Variants in NMNAT2 observed in about 807,000 individuals in gnomAD.
NMNAT2 encodes the protein nicotinamide nucleotide adenylyltransferase 2, also known as nicotinamide/nicotinic acid mononucleotide adenylyltransferase 2.
In NMNAT2, 11 loss-of-function variants were observed where a neutral mutation model predicts 41.6. The observed-to-expected ratio is 0.26, with a 90% CI of 0.17 to 0.44. NMNAT2 has a LOEUF of 0.44. NMNAT2 is among the 20% of genes least tolerant of loss of function. The probability of loss-of-function intolerance (pLI) is 1.00; values close to 1 mark genes in which losing one functional copy is unlikely to be tolerated. For missense variants in NMNAT2, 288 were observed against 407.7 expected, an observed-to-expected ratio of 0.71 and a Z score of 2.53; for synonymous variants, 148 against 151.2, an observed-to-expected ratio of 0.98 and a Z score of 0.16.
At chr1:183,327,120 G>C (rs896818223) in intron 1 of NMNAT2, among the ~76,000 whole-genome samples, 1 of 152,000 alleles carries the variant, frequency 6.6e-6, no homozygotes, top group African/African-American at 2.4e-5. Flanking sequence ...GTGCAATCTC[G>C]GCTCACTGCA....
At chr1:183,375,546 C>T (rs1488476871) in intron 1 of NMNAT2, among the ~76,000 whole-genome samples, 1 of 152,208 alleles carries the variant, frequency 6.6e-6, no homozygotes, top group African/African-American at 2.4e-5. Context: ...AGTCTCAACT[C>T]ACTTTCTCTA....
At chr1:183,401,343 T>C (rs1051317254) in intron 1 of NMNAT2, among the ~76,000 whole-genome samples, 3 of 152,184 alleles carry the variant, frequency 2.0e-5, no homozygotes, top group African/African-American at 7.2e-5. Flanking sequence ...ATCAGAGAAA[T>C]GCAAATCAAA....
At chr1:183,304,925 C>T in intron 1 of NMNAT2, 1 of 1,366,620 alleles carries the variant, frequency 7.3e-7, no homozygotes, top group Non-Finnish European at 9.6e-7. Flanking sequence ...CCTTCCATAA[C>T]TGTCACTTCT....
intron 2 of NMNAT2, 37 bp downstream of exon 2, chr1:183,293,668 G>C (rs199792693): frequency 2.8e-6 from 4 of 1,445,688 alleles, no homozygotes; most frequent in East Asian, 4.5e-5. Flanking sequence ...TGGGGGGACG[G>C]GGATTGAAGA....
At chr1:183,270,368 A>G (rs78952466) in intron 8 of NMNAT2, among the ~76,000 whole-genome samples, 1 of 152,230 alleles carries the variant, frequency 6.6e-6, no homozygotes, top group Non-Finnish European at 1.5e-5. Context: ...GACAAAAGCC[A>G]TGCAGTATAT....
intron 1 of NMNAT2, among the ~76,000 whole-genome samples, chr1:183,341,748 C>CAAAAAA (rs369432128): frequency 0.017 from 1,326 of 79,780 alleles, 66 homozygotes; most frequent in African/African-American, 0.056. Context: ...AAAAAAAAAA[C>CAAAAAA]CTGTTTCCTT....
chr1:183,361,269 C>T lies in NMNAT2; in HGVS notation c.85+56914G>A, dbSNP rs1178852769. On this transcript the variant is annotated intron_variant, in intron 1 of 10. Transcript: ENST00000287713. ...ATCAGGGGACCCTTATCCTCCCCATCGCCATGTGGTCCACACTTGGCAAGC... is the reference window on the plus strand; with the variant it reads ...ATCAGGGGACCCTTATCCTCCCCATTGCCATGTGGTCCACACTTGGCAAGC... Among the ~76,000 whole-genome samples, 25 of 152,286 alleles carry T rather than the reference C, an allele frequency of 1.6e-4. No individual in the cohort carries two copies. In the East Asian group the frequency reaches 3.5e-3, roughly 21 times the overall value.
At chr1:183,363,284 T>G (rs1308702619) in intron 1 of NMNAT2, among the ~76,000 whole-genome samples, 1 of 152,218 alleles carries the variant, frequency 6.6e-6, no homozygotes, top group Admixed American at 6.5e-5. Context: ...TTTTAAAAAT[T>G]TCTCTGAACC....
At chr1:183,305,499 T>G (rs1027881545) in intron 1 of NMNAT2, among the ~76,000 whole-genome samples, 2 of 152,222 alleles carry the variant, frequency 1.3e-5, no homozygotes, top group African/African-American at 4.8e-5. Flanking sequence ...AAGTTTACCA[T>G]ACACGCTTCT....
intron 1 of NMNAT2, among the ~76,000 whole-genome samples, chr1:183,370,223 TACACACACACACACACACAC>T (rs57569629): frequency 5.3e-5 from 6 of 112,734 alleles, no homozygotes; most frequent in South Asian, 6.8e-4. Flanking sequence ...TATCAACACA[TACACACACACACACACACAC>T]ACACACACAC....
intron 1 of NMNAT2, among the ~76,000 whole-genome samples, chr1:183,367,624 A>G (rs1300374072): frequency 6.6e-6 from 1 of 152,234 alleles, no homozygotes; most frequent in Non-Finnish European, 1.5e-5. Context: ...TAACTTTTAC[A>G]TGAGTAGTCG....
intron 7 of NMNAT2, among the ~76,000 whole-genome samples, chr1:183,281,855 C>T (rs867136882): frequency 1.3e-5 from 2 of 152,244 alleles, no homozygotes; most frequent in Non-Finnish European, 2.9e-5. Flanking sequence ...AAAGGGGACA[C>T]GTGAGCCCCA....
chr1:183,360,501 G>A (rs747801123), intron 1 of NMNAT2, among the ~76,000 whole-genome samples: 16 of 152,124 alleles, frequency 1.1e-4, no homozygotes, highest in Non-Finnish European at 2.4e-4. Context: ...ACCCATCCAC[G>A]AGTCTCCGAG....
At chr1:183,398,533 A>G (rs1648719940) in intron 1 of NMNAT2, among the ~76,000 whole-genome samples, 1 of 152,190 alleles carries the variant, frequency 6.6e-6, no homozygotes, top group African/African-American at 2.4e-5. Context: ...ATATCCAGGA[A>G]TTGAACTCAG....
At chr1:183,292,591 T>C (rs1015410698) in intron 3 of NMNAT2, among the ~76,000 whole-genome samples, 199 bp downstream of exon 3, 3 of 152,216 alleles carry the variant, frequency 2.0e-5, no homozygotes, top group African/African-American at 7.2e-5. Context: ...TTTACATTCA[T>C]GGGCCTCACA....
At chr1:183,292,949 C>T in intron 2 of NMNAT2, 92 bp from the exon 3 acceptor site, 1 of 1,205,936 alleles carries the variant, frequency 8.3e-7, no homozygotes, top group Non-Finnish European at 1.2e-6. Context: ...TGTTAAAGTG[C>T]AGCCATTTTT....
intron 1 of NMNAT2, among the ~76,000 whole-genome samples, chr1:183,384,282 C>A (rs59602848): frequency 1.1e-4 from 17 of 152,200 alleles, no homozygotes; most frequent in African/African-American, 3.9e-4. Context: ...CTCACTGCAA[C>A]CTCTGCCTCC....
At chr1:183,295,697 C>G (rs762373428) in intron 1 of NMNAT2, among the ~76,000 whole-genome samples, 1 of 152,146 alleles carries the variant, frequency 6.6e-6, no homozygotes, top group Non-Finnish European at 1.5e-5. Flanking sequence ...CCCCTGGCAA[C>G]CACGGTTCTG....
intron 5 of NMNAT2, 87 bp from the exon 6 acceptor site, chr1:183,284,877 T>C: frequency 9.3e-7 from 1 of 1,070,414 alleles, no homozygotes; most frequent in Non-Finnish European, 1.5e-6. Flanking sequence ...TTGGGGCCGC[T>C]GTAAACATCA....
Sources: allele counts gnomAD v4.1 joint callset (sites outside exome capture counted in the v4.1 genomes callset), GRCh38; gene constraint gnomAD v4.1.1; transcripts MANE v1.5; gene names NCBI Gene and HGNC (gene_info 2026-07-23, HGNC 2026-07-21).